Variants in RIBC2 observed in about 807,000 individuals in gnomAD.
The protein encoded by RIBC2 is RIB43A domain with coiled-coils 2, also known as RIB43A-like with coiled-coils protein 2.
In RIBC2, 40 loss-of-function variants were observed where a neutral mutation model predicts 44.3. That is an observed-to-expected ratio of 0.90 (90% CI 0.70 to 1.18). The LOEUF (loss-of-function observed/expected upper bound fraction) is 1.18. Among genes scored for constraint, RIBC2 ranks in the 50% most tolerant of loss-of-function variants. The pLI is 0.00. For missense variants in RIBC2, 459 were observed against 485.5 expected, an observed-to-expected ratio of 0.95 and a Z score of 0.51; for synonymous variants, 171 against 175.0, an observed-to-expected ratio of 0.98 and a Z score of 0.18.
At chr22:45,415,998 C>T (rs1055394406) in intron 2 of RIBC2, among the ~76,000 whole-genome samples, 2 of 152,158 alleles carry the variant, frequency 1.3e-5, no homozygotes, top group Non-Finnish European at 2.9e-5. Context: ...CCAGGCCCAG[C>T]CCCCACGCAC....
At chr22:45,417,505 C>T (rs2087436033) in intron 2 of RIBC2, 97 bp from the exon 3 acceptor site, 2 of 953,612 alleles carry the variant, frequency 2.1e-6, no homozygotes, top group African/African-American at 1.7e-5. Context: ...ATAATGAGGC[C>T]CTATCTCTAA....
At chr22:45,431,680 G>A (rs1013678543) in intron 6 of RIBC2, among the ~76,000 whole-genome samples, 7 of 152,128 alleles carry the variant, frequency 4.6e-5, no homozygotes, top group Admixed American at 2.0e-4. Flanking sequence ...CATTAAGAGT[G>A]ATCTGAGGGC....
chr22:45,424,290 C>T (rs1029515245), intron 4 of RIBC2, among the ~76,000 whole-genome samples: 98 of 152,320 alleles, frequency 6.4e-4, no homozygotes, highest in African/African-American at 2.3e-3. Flanking sequence ...ACAGGAAGGA[C>T]ACACGTGAGG....
At chr22:45,422,829 TGAA>T (rs900388332) in intron 4 of RIBC2, among the ~76,000 whole-genome samples, 2 of 152,130 alleles carry the variant, frequency 1.3e-5, no homozygotes, top group African/African-American at 2.4e-5. Context: ...GCAGGGATGA[TGAA>T]GAAGATCATA....
At chr22:45,422,684 T>G (rs1219475527) in intron 4 of RIBC2, among the ~76,000 whole-genome samples, 1 of 152,202 alleles carries the variant, frequency 6.6e-6, no homozygotes, top group Admixed American at 6.5e-5. Flanking sequence ...TTTCTTCTTC[T>G]GTAACATGAG....
At chr22:45,427,784 ACCACCACACCCAGCTG>A (rs2087546906) in intron 5 of RIBC2, among the ~76,000 whole-genome samples, 1 of 152,118 alleles carries the variant, frequency 6.6e-6, no homozygotes, top group Non-Finnish European at 1.5e-5. Flanking sequence ...ACAGGCATGC[ACCACCACACCCAGCTG>A]CTTTTTGTAT....
At chr22:45,423,522 A>G (rs972571749) in intron 4 of RIBC2, among the ~76,000 whole-genome samples, 36 of 152,220 alleles carry the variant, frequency 2.4e-4, no homozygotes, top group Non-Finnish European at 2.9e-4. Context: ...ATGTGTAGTT[A>G]TAAGCATGTG....
chr22:45,428,989 G>A (rs528461325), intron 5 of RIBC2, among the ~76,000 whole-genome samples: 2 of 152,348 alleles, frequency 1.3e-5, no homozygotes, highest in South Asian at 2.1e-4. Context: ...GCCATGAGAC[G>A]AACCAGGGGG....
Position 45,413,907 on chromosome 22 carries a change from G to C in RIBC2, c.21G>C (p.Ala7=). Residue 7 remains alanine, a synonymous_variant, in exon 1 of 7, where the codon GCG becomes GCC. Coordinates refer to ENST00000614167, the MANE Select transcript of RIBC2 (RefSeq NM_015653.5). ...TTTCCATGGGTTCCCAGACCATGGC[G>C]GTGGCGCTGCCCAGGGACTTGCGGC... The part of the protein sequence containing the change: MGSQTM[A]VALPRDLRQD... 1 of 1,551,448 alleles carries C rather than the reference G, an allele frequency of 6.4e-7. No homozygotes were observed. Among genetic ancestry groups the C allele is most frequent in the Non-Finnish European group, 8.7e-7 (1 of 1,146,802 alleles).
At position 45,413,775 on chromosome 22, in the gene RIBC2, T is replaced by C. The variant is rs575220592; in HGVS notation, c.-112T>C. 2 of 1,409,890 alleles carry C rather than the reference T, an allele frequency of 1.4e-6. No individual in the cohort carries two copies. The highest frequency in any genetic ancestry group is 2.9e-5 in the African/African-American group (2 of 69,256). 87.3% of individuals were successfully genotyped at this position (1,409,890 alleles called of 1,614,324 possible). On this transcript the variant is annotated 5_prime_UTR_variant, in exon 1 of 7. Transcript: ENST00000614167. ...CCCGACGGAAAACTGCGCTAAAGGC[T>C]TGTCTTTCCCCTGCCCGACCGAAGG... is the stretch of plus-strand genomic sequence containing the variant.
At chr22:45,417,492 A>T in intron 2 of RIBC2, 110 bp from the exon 3 acceptor site, 1 of 827,122 alleles carries the variant, frequency 1.2e-6, no homozygotes, top group Non-Finnish European at 1.9e-6. Context: ...CAGCCCAGGC[A>T]ACATAATGAG....
intron 2 of RIBC2, among the ~76,000 whole-genome samples, chr22:45,414,657 A>G (rs979993915): frequency 6.6e-6 from 1 of 152,044 alleles, no homozygotes; most frequent in Admixed American, 6.6e-5. Flanking sequence ...CTTCACATAT[A>G]TAAAAAGTTG....
chr22:45,430,781 T>G (rs2146891912), intron 5 of RIBC2, 119 bp from the exon 6 acceptor site: 1 of 1,273,228 alleles, frequency 7.9e-7, no homozygotes, highest in Non-Finnish European at 1.1e-6. Flanking sequence ...ACCTACCTGC[T>G]CGTCCTCTGA....
chr22:45,424,388 CG>C (rs11289835), intron 4 of RIBC2, among the ~76,000 whole-genome samples: 93,738 of 152,134 alleles, frequency 0.62, 31,172 homozygotes, highest in African/African-American at 0.87. Flanking sequence ...CCCGACCACA[CG>C]GGGTGCAGAC....
intron 4 of RIBC2, 72 bp from the exon 5 acceptor site, chr22:45,425,876 T>C (rs1422512391): frequency 4.5e-6 from 6 of 1,337,300 alleles, no homozygotes; most frequent in Admixed American, 2.0e-5. Flanking sequence ...CCCAGTGAGA[T>C]TTGCTGGCCT....
rs551459071 is a variant in RIBC2, at chr22:45,417,637, A to C, written c.247A>C (p.Ile83Leu). The change falls in exon 3 of 7, where the codon ATA becomes CTA. Residue 83 changes from isoleucine to leucine, a missense_variant. Transcript: ENST00000614167. ...EMRQNDKIMC[I>L]LENRKKRDRK... ...GAGGCAAAATGACAAAATCATGTGCATATTGGAAAACCGGAAAAAGAGGGA... is the reference window on the plus strand; with the variant it reads ...GAGGCAAAATGACAAAATCATGTGCCTATTGGAAAACCGGAAAAAGAGGGA... 6.2e-7 allele frequency: 1 copy of C among 1,613,626 alleles called. No individual in the cohort carries two copies. Among genetic ancestry groups the C allele is most frequent in the African/African-American group, 1.3e-5 (1 of 74,926 alleles).
intron 3 of RIBC2, chr22:45,418,170 C>CT: frequency 4.7e-6 from 2 of 421,148 alleles, no homozygotes; most frequent in Non-Finnish European, 8.5e-6. Context: ...AGGAGGGAAA[C>CT]ACCTGCAATG....
chr22:45,414,044 A>G, intron 1 of RIBC2, 29 bp downstream of exon 1: 1 of 1,550,040 alleles, frequency 6.5e-7, no homozygotes, highest in Non-Finnish European at 8.7e-7. Context: ...GGACGGGGTT[A>G]GAGCGGCAGA....
Position 45,432,438 on chromosome 22 carries a change from G to A in RIBC2, c.*76G>A. ...TAAAGAGTCACGTTTCTTTTTTAAA[G>A]ATACACTCCTTGGGCCACAAGTACC... On this transcript the variant is annotated 3_prime_UTR_variant, in exon 7 of 7. Coordinates refer to ENST00000614167, the MANE Select transcript of RIBC2 (RefSeq NM_015653.5). The A allele has an allele frequency of 1.0e-6, 1 of 967,702 alleles. No homozygotes were observed. The highest frequency in any genetic ancestry group is 1.6e-6 in the Non-Finnish European group (1 of 615,432). 59.9% of individuals were successfully genotyped at this position (967,702 alleles called of 1,614,324 possible).
Sources: allele counts gnomAD v4.1 joint callset (sites outside exome capture counted in the v4.1 genomes callset), GRCh38; gene constraint gnomAD v4.1.1; transcripts MANE v1.5; gene names NCBI Gene and HGNC (gene_info 2026-07-23, HGNC 2026-07-21).